The following GALNT10 variants were observed in gnomAD, a reference collection of about 807,000 sequenced individuals.
GALNT10 encodes the protein polypeptide N-acetylgalactosaminyltransferase 10, also known as GalNAc transferase 10.
In GALNT10, 41 loss-of-function variants were observed where a neutral mutation model predicts 75.0. That is an observed-to-expected ratio of 0.55 (90% CI 0.43 to 0.71). The LOEUF (loss-of-function observed/expected upper bound fraction) is 0.71, where lower values mean the gene tolerates loss of function less well. Ranked by LOEUF, GALNT10 falls within the 30% of genes least tolerant of loss-of-function variation. GALNT10 has a pLI of 0.00. For missense variants in GALNT10, 727 were observed against 818.5 expected, an observed-to-expected ratio of 0.89 and a Z score of 1.36; for synonymous variants, 302 against 313.0, an observed-to-expected ratio of 0.96 and a Z score of 0.37.
intron 1 of GALNT10, among the ~76,000 whole-genome samples, chr5:154,279,491 C>G (rs921082749): frequency 5.3e-5 from 8 of 151,596 alleles, no homozygotes; most frequent in African/African-American, 1.9e-4. Flanking sequence ...TTAGTAGAGA[C>G]GGGGTTTCAC....
intron 1 of GALNT10, among the ~76,000 whole-genome samples, chr5:154,253,706 CTTTTTTTTTTTT>C (rs33933907): frequency 1.4e-5 from 1 of 72,660 alleles, no homozygotes; most frequent in South Asian, 5.6e-4. Flanking sequence ...AAAGCCTCCT[CTTTTTTTTTTTT>C]TTTTTTTTTT....
intron 1 of GALNT10, among the ~76,000 whole-genome samples, chr5:154,211,802 A>C (rs1263467621): frequency 6.6e-6 from 1 of 152,154 alleles, no homozygotes; most frequent in East Asian, 1.9e-4. Context: ...AGACCTCTTC[A>C]TGAGTAAGCT....
chr5:154,323,256 C>T (rs1754703708), intron 3 of GALNT10, among the ~76,000 whole-genome samples: 1 of 152,104 alleles, frequency 6.6e-6, no homozygotes, highest in African/African-American at 2.4e-5. Context: ...CCTGTAGTCC[C>T]AGCTACTCAG....
At chr5:154,262,956 A>AG (rs1311813215) in intron 1 of GALNT10, among the ~76,000 whole-genome samples, 2 of 134,504 alleles carry the variant, frequency 1.5e-5, no homozygotes, top group Admixed American at 6.9e-5. Flanking sequence ...TCTTGGTTTG[A>AG]GAAAAAAAAA....
chr5:154,251,793 G>C (rs1397467836), intron 1 of GALNT10, among the ~76,000 whole-genome samples: 2 of 152,094 alleles, frequency 1.3e-5, no homozygotes, highest in African/African-American at 4.8e-5. Context: ...GTTTCTTTTA[G>C]AGGGAAATGG....
rs780443982 is a variant in GALNT10, at chr5:154,352,040, G to A, written c.568+22302G>A. 1.4e-4 allele frequency among the ~76,000 whole-genome samples: 21 copies of A among 152,220 alleles called. No homozygotes were observed. The highest frequency in any genetic ancestry group is 1.9e-4 in the African/African-American group (8 of 41,452). ...ATGAGAATCAGAAAGGCTGTGTGCC[G>A]TGTACAGGGATGCACAGCCAGTTGA... On this transcript the variant is annotated intron_variant, in intron 4 of 11. Coordinates refer to ENST00000297107, the MANE Select transcript of GALNT10 (RefSeq NM_198321.4). This position sits in a 1 kb window ranked among gnomAD's most constrained non-coding sequence, Gnocchi z 4.4.
In GALNT10 at chr5:154,380,546, C is replaced by G; in HGVS notation, c.853C>G (p.Arg285Gly). The change falls in exon 6 of 12, where the codon CGG becomes GGG. Residue 285 changes from arginine (R) to glycine (G), a missense_variant. Arg to Gly is a moderately radical substitution (Grantham distance 125). Transcript: ENST00000297107. ...CGAGACACAGGCAGGGGATGCCATG[C>G]GGGGAGCCTTTGACTGGGAGATGTA... Reference protein sequence around the residue: ...RYETQAGDAMRGAFDWEMYYK... With the variant: ...RYETQAGDAMGGAFDWEMYYK... 6.2e-7 allele frequency: 1 copy of G among 1,613,548 alleles called. No homozygotes were observed.
At chr5:154,384,528 G>A (rs532794877) in intron 6 of GALNT10, among the ~76,000 whole-genome samples, 2 of 152,306 alleles carry the variant, frequency 1.3e-5, no homozygotes, top group South Asian at 4.1e-4. Context: ...CACAGCACAT[G>A]TCAGTTCATA....
rs563693609 is a variant in GALNT10 at position 154,247,545 on chromosome 5, C to T, written c.160-47271C>T. ...CCTTCACATCCTTGTAAGTTGGATTCCTAGGTATTTTATTCTCTTTGAAGC... is the reference window on the plus strand; with the variant it reads ...CCTTCACATCCTTGTAAGTTGGATTTCTAGGTATTTTATTCTCTTTGAAGC... On this transcript the variant is annotated intron_variant, in intron 1 of 11. Transcript: ENST00000297107. 7.9e-5 allele frequency among the ~76,000 whole-genome samples: 12 copies of T among 152,042 alleles called. No homozygotes were observed. The South Asian group carries it at 2.5e-3, about 32-fold the overall frequency.
chr5:154,244,537 T>TG (rs1190918358), intron 1 of GALNT10, among the ~76,000 whole-genome samples: 1 of 152,204 alleles, frequency 6.6e-6, no homozygotes, highest in Non-Finnish European at 1.5e-5. Flanking sequence ...AGGGCAAAGC[T>TG]GGGACTGGTG....
At position 154,298,052 on chromosome 5, in the gene GALNT10, G is replaced by A. The variant is rs1470861749; in HGVS notation, c.374G>A (p.Arg125His). The change falls in exon 3 of 12, where the codon CGC (arginine) becomes CAC (histidine). Residue 125 changes from arginine (R) to histidine (H), a missense_variant. Physicochemically the swap from Arg to His is conservative, Grantham distance 29. Transcript: ENST00000297107. This position sits in a 1 kb window ranked among gnomAD's most constrained non-coding sequence, Gnocchi z 4.1. Reference protein sequence around the residue: ...IYVSDKISLNRSLPDIRHPNC... With the variant: ...IYVSDKISLNHSLPDIRHPNC... Reference sequence around the variant, plus strand: ...GTCAGTGATAAAATCTCCTTGAATCGCTCTCTCCCAGATATCCGGCACCCA... The same window carrying A: ...GTCAGTGATAAAATCTCCTTGAATCACTCTCTCCCAGATATCCGGCACCCA... The A allele has an allele frequency of 4.3e-6, 7 of 1,612,338 alleles. No homozygotes were observed. Among genetic ancestry groups the A allele is most frequent in the Non-Finnish European group, 4.2e-6 (5 of 1,178,976 alleles).
At chr5:154,355,651 G>A (rs1755279966) in intron 4 of GALNT10, among the ~76,000 whole-genome samples, 1 of 150,718 alleles carries the variant, frequency 6.6e-6, no homozygotes, top group African/African-American at 2.5e-5. Context: ...CCTATTTATG[G>A]AGAATCTCTG....
intron 1 of GALNT10, among the ~76,000 whole-genome samples, chr5:154,290,714 G>T (rs1288228483): frequency 6.6e-6 from 1 of 152,156 alleles, no homozygotes; most frequent in Non-Finnish European, 1.5e-5. Flanking sequence ...GACTCCTGTA[G>T]CTCATGCAAG....
rs71577131 is a variant in GALNT10 at position 154,290,258 on chromosome 5, AT to A, written c.160-4533del. On this transcript the variant is annotated intron_variant, in intron 1 of 11. Coordinates refer to ENST00000297107, the MANE Select transcript of GALNT10 (RefSeq NM_198321.4). ...AGGTGTGTGCCATGACACTCAGCTA[AT>A]TTTTTTTTTTTTTTTTTTTTTTTTG... Among the ~76,000 whole-genome samples the A allele has an allele frequency of 7.3e-3, 718 of 98,852 alleles. 6 individuals are homozygous for A. Among genetic ancestry groups the A allele is most frequent in the South Asian group, 0.022 (57 of 2,620 alleles). The allele number at this position is 98,852 out of a possible 152,430, so 64.9% of individuals were successfully genotyped here.
At position 154,412,928 on chromosome 5, in the gene GALNT10, C is replaced by G; in HGVS notation, c.1426C>G (p.His476Asp). ...CACAGGGCTGTGTGCAGACACAAAGCACGGGGCCTTGGGCTCCCCACTAAG... is the reference window on the plus strand; with the variant it reads ...CACAGGGCTGTGTGCAGACACAAAGGACGGGGCCTTGGGCTCCCCACTAAG... ...VGTGLCADTKHGALGSPLRLE... is the reference protein window; with the variant it reads ...VGTGLCADTKDGALGSPLRLE... Residue 476 changes from histidine (H) to aspartate (D), a missense_variant, in exon 10 of 12, where the codon CAC becomes GAC. Coordinates refer to ENST00000297107, the MANE Select transcript of GALNT10 (RefSeq NM_198321.4). The surrounding 1 kb of genome is among the most constrained non-coding windows in gnomAD (Gnocchi z 4.2). 6.2e-7 allele frequency: 1 copy of G among 1,613,752 alleles called. No individual in the cohort carries two copies. The highest frequency in any genetic ancestry group is 8.5e-7 in the Non-Finnish European group (1 of 1,179,766).
chr5:154,329,362 T>A, intron 3 of GALNT10: 1 of 556,902 alleles, frequency 1.8e-6, no homozygotes, highest in Non-Finnish European at 3.2e-6. Context: ...TTTATACATA[T>A]CCGCGTGTGC....
intron 1 of GALNT10, among the ~76,000 whole-genome samples, chr5:154,250,690 G>A (rs993940859): frequency 2.0e-5 from 3 of 152,142 alleles, no homozygotes; most frequent in Non-Finnish European, 2.9e-5. Context: ...CACCAGAGTC[G>A]CTCAATCTAG....
intron 4 of GALNT10, among the ~76,000 whole-genome samples, chr5:154,340,370 T>C (rs1755016451): frequency 6.6e-6 from 1 of 152,126 alleles, no homozygotes; most frequent in African/African-American, 2.4e-5. Context: ...ATAGACAACA[T>C]TTGCCTAAAG....
chr5:154,416,969 C>CT lies in GALNT10; in HGVS notation c.1810dup (p.Ter604LeufsTer47). 1 of 1,614,086 alleles carries CT rather than the reference C, an allele frequency of 6.2e-7. No individual in the cohort carries two copies. Among genetic ancestry groups the CT allele is most frequent in the East Asian group, 2.2e-5 (1 of 44,888 alleles). On this transcript the variant is annotated frameshift_variant, in exon 12 of 12. Transcript: ENST00000297107. LOFTEE classifies it high-confidence loss of function. This position sits in a 1 kb window ranked among gnomAD's most constrained non-coding sequence, Gnocchi z 4.5. ...CAGTCTTGGAAAAATTCAATAGGAACTGAGCCCTCATGTCCCCTTGGCAGG... is the reference window on the plus strand; with the variant it reads ...CAGTCTTGGAAAAATTCAATAGGAACTTGAGCCCTCATGTCCCCTTGGCAGG...
Sources: gnomAD v4.1 joint callset for allele counts (sites outside exome capture counted in the v4.1 genomes callset) on GRCh38, gnomAD v4.1.1 for gene constraint, Gnocchi (gnomAD v3.1) non-coding constraint, MANE v1.5 for transcripts, NCBI Gene and HGNC (gene_info 2026-07-23, HGNC 2026-07-21) for gene names.